The following ADGRF1 variants were observed in gnomAD, a reference collection of about 807,000 sequenced individuals.
The protein encoded by ADGRF1 is G protein-coupled receptor 110.
ADGRF1 carries 85 observed loss-of-function variants against 87.2 expected under a neutral mutation model. That is an observed-to-expected ratio of 0.97 (90% CI 0.82 to 1.17). ADGRF1 has a LOEUF of 1.17. ADGRF1 is among the 50% of genes most tolerant of loss of function. ADGRF1 has a pLI of 0.00. For synonymous variants in ADGRF1, 430 were observed against 408.8 expected (o/e 1.05, Z -0.63); for missense variants, 1,169 against 1,077.2 (o/e 1.09, Z -1.19).
chr6:47,013,644 A>T, intron 9 of ADGRF1: 2 of 985,362 alleles, frequency 2.0e-6, no homozygotes, highest in Non-Finnish European at 2.4e-6. Flanking sequence ...AGAGAGCATC[A>T]TGTGGAGGGC....
chr6:47,034,325 C>T (rs746483810), intron 1 of ADGRF1, among the ~76,000 whole-genome samples: 8 of 152,120 alleles, frequency 5.3e-5, no homozygotes, highest in Non-Finnish European at 1.2e-4. Flanking sequence ...GAAAGATTAC[C>T]GATTTCTACT....
chr6:47,029,198 GCTGATCCGAACCCC>G, intron 1 of ADGRF1, 94 bp from the exon 2 acceptor site: 1 of 679,966 alleles, frequency 1.5e-6, no homozygotes, highest in South Asian at 1.7e-5. Flanking sequence ...GCCTCACTGA[GCTGATCCGAACCCC>G]TGGGTGTTTA....
intron 6 of ADGRF1, 61 bp downstream of exon 6, chr6:47,021,897 G>T (rs969606525): frequency 2.0e-5 from 18 of 886,792 alleles, no homozygotes; most frequent in Middle Eastern, 4.6e-4. Flanking sequence ...ATGCTGAATT[G>T]AAAACATTTG....
chr6:47,012,127 G>A lies in ADGRF1; in HGVS notation c.996C>T (p.Val332=), dbSNP rs1338441021. The change falls in exon 10 of 15, where the codon GTC becomes GTT. Residue 332 remains valine, a synonymous_variant. Coordinates refer to ENST00000371253, the MANE Select transcript of ADGRF1 (RefSeq NM_153840.4). ...AVSSFVQNLS[V]IIRQNPSTTV... ...TGGTTGATGGGTTTTGCCGAATGAT[G>A]ACAGAAAGATTTTGCACGAAGGATG... is the stretch of plus-strand genomic sequence containing the variant. 2 of 1,614,088 alleles carry A rather than the reference G, an allele frequency of 1.2e-6. No individual in the cohort carries two copies. The highest frequency in any genetic ancestry group is 1.7e-5 in the Admixed American group (1 of 60,018).
rs369408573 is a variant in ADGRF1, at chr6:47,009,755, C to T, written c.1680G>A (p.Thr560=). The change falls in exon 11 of 15, where the codon ACG becomes ACA. Residue 560 remains threonine (T), a synonymous_variant. Coordinates refer to ENST00000371253, the MANE Select transcript of ADGRF1 (RefSeq NM_153840.4). ...HLVNETQDIV[T]CQCTHLTSFS... is the part of the protein sequence containing the mutation. ...AGGAGGTCAAGTGAGTACATTGGCA[C>T]GTCACGATGTCTTGAGTTTCATTCA... is the stretch of plus-strand genomic sequence containing the variant. 2.5e-5 allele frequency: 40 copies of T among 1,614,060 alleles called. No individual in the cohort carries two copies. Among genetic ancestry groups the T allele is most frequent in the East Asian group, 6.7e-5 (3 of 44,888 alleles).
chr6:47,009,952 T>G lies in ADGRF1; in HGVS notation c.1483A>C (p.Lys495Gln), dbSNP rs1303598744. Reference protein sequence around the residue: ...LTLGNILPVSKNGNAQVNGPV... With the variant: ...LTLGNILPVSQNGNAQVNGPV... Reference sequence around the variant, plus strand: ...CCATTGACCTGAGCATTTCCATTTTTGGAAACGGGTAGAATGTTCCCCAGA... The same window carrying G: ...CCATTGACCTGAGCATTTCCATTTTGGGAAACGGGTAGAATGTTCCCCAGA... The change falls in exon 11 of 15, where the codon AAA becomes CAA. Residue 495 changes from lysine (K) to glutamine (Q), a missense_variant. By Grantham distance (53) the Lys-to-Gln change is moderately conservative. Transcript: ENST00000371253. 1 of 1,614,144 alleles carries G rather than the reference T, an allele frequency of 6.2e-7. No individual in the cohort carries two copies.
intron 5 of ADGRF1, 53 bp downstream of exon 5, chr6:47,023,989 CTG>C (rs972979770): frequency 8.2e-5 from 122 of 1,494,298 alleles, no homozygotes; most frequent in South Asian, 7.3e-5. Flanking sequence ...CGTCCCCTCT[CTG>C]TTGCATGTTG....
At chr6:47,028,237 T>C (rs1318685073) in intron 2 of ADGRF1, among the ~76,000 whole-genome samples, 3 of 152,154 alleles carry the variant, frequency 2.0e-5, no homozygotes, top group Admixed American at 6.5e-5. Flanking sequence ...GTTGAAATCA[T>C]GCAGGCAAGA....
chr6:47,027,800 A>G (rs374561031), intron 2 of ADGRF1, 39 bp from the exon 3 acceptor site: 42 of 1,197,642 alleles, frequency 3.5e-5, no homozygotes, highest in Non-Finnish European at 1.9e-5. Context: ...TGAGACTTTG[A>G]AGAGTTGTGC....
Position 47,007,241 on chromosome 6 carries a change from A to C in ADGRF1, c.2532+12T>G. 6.5e-7 allele frequency: 1 copy of C among 1,534,064 alleles called. No individual in the cohort carries two copies. Among genetic ancestry groups the C allele is most frequent in the Non-Finnish European group, 9.0e-7 (1 of 1,113,210 alleles). On this transcript the variant is annotated intron_variant, in intron 12 of 14. Coordinates refer to ENST00000371253, the MANE Select transcript of ADGRF1 (RefSeq NM_153840.4). ...TAGGCTAGGGGTTAATGAGAGAAAT[A>C]AATACACATACCTTACTGTCCAAGA...
chr6:47,021,159 G>A (rs772523938), intron 6 of ADGRF1, among the ~76,000 whole-genome samples: 8 of 152,066 alleles, frequency 5.3e-5, no homozygotes, highest in East Asian at 1.9e-4. Flanking sequence ...TACTTAGACC[G>A]AATCCATCTA....
chr6:47,003,202 C>G (rs866918869), intron 13 of ADGRF1, among the ~76,000 whole-genome samples: 5 of 152,216 alleles, frequency 3.3e-5, no homozygotes, highest in Middle Eastern at 3.4e-3. Context: ...GGAGCTCAGA[C>G]ACAAAACTGA....
intron 1 of ADGRF1, among the ~76,000 whole-genome samples, chr6:47,034,212 A>G (rs1400174828): frequency 4.6e-5 from 7 of 152,172 alleles, no homozygotes; most frequent in Admixed American, 4.6e-4. Context: ...ATCTATTCAC[A>G]TTCAGGTTTC....
intron 7 of ADGRF1, chr6:47,017,326 G>A (rs1028908503): frequency 2.6e-5 from 4 of 152,152 alleles, no homozygotes; most frequent in African/African-American, 7.2e-5. Context: ...AAAGGTAGTG[G>A]CATCATAAGA....
At chr6:47,005,165 T>C (rs555899368) in intron 13 of ADGRF1, among the ~76,000 whole-genome samples, 3 of 152,248 alleles carry the variant, frequency 2.0e-5, no homozygotes, top group African/African-American at 4.8e-5. Context: ...CTAAATAATA[T>C]TGAAAACACA....
At chr6:47,027,024 A>G (rs1244577145) in intron 3 of ADGRF1, among the ~76,000 whole-genome samples, 1 of 152,240 alleles carries the variant, frequency 6.6e-6, no homozygotes, top group Non-Finnish European at 1.5e-5. Context: ...TATCTGTAAA[A>G]TAAAGATGAC....
Position 47,014,691 on chromosome 6 carries a change from T to TC in ADGRF1, c.916dup (p.Glu306GlyfsTer15). On this transcript the variant is annotated frameshift_variant, in exon 9 of 15. Transcript: ENST00000371253. LOFTEE classifies it high-confidence loss of function. The stretch of plus-strand genomic sequence containing the variant: ...GTGAAAATGCCTCACCTTGTTCAGT[T>TC]CTTCAAGCAGAGAGAGCACACAAGT... 6.2e-7 allele frequency: 1 copy of TC among 1,613,378 alleles called. No homozygotes were observed. Among genetic ancestry groups the TC allele is most frequent in the Middle Eastern group, 1.7e-4 (1 of 6,050 alleles).
chr6:47,029,544 A>T (rs1261575699), intron 1 of ADGRF1, among the ~76,000 whole-genome samples: 1 of 152,206 alleles, frequency 6.6e-6, no homozygotes, highest in East Asian at 1.9e-4. Context: ...ATAATGAATC[A>T]ATCCAGAAAA....
rs780231227 is a variant in ADGRF1, at chr6:47,009,253, T to G, written c.2182A>C (p.Lys728Gln). The change falls in exon 11 of 15, where the codon AAA becomes CAA. Residue 728 changes from lysine (K) to glutamine (Q), a missense_variant. By Grantham distance (53) the Lys-to-Gln change is moderately conservative. Coordinates refer to ENST00000371253, the MANE Select transcript of ADGRF1 (RefSeq NM_153840.4). ...TTAAGCCAACACACATCTTTCCTTT[T>G]GTAGGTATTGCTAGGTTGCGTGACA... ...IAVTQPSNTYKRKDVCWLNWS... is the reference protein window; with the variant it reads ...IAVTQPSNTYQRKDVCWLNWS... The G allele has an allele frequency of 6.2e-7, 1 of 1,614,166 alleles. No homozygotes were observed. The highest frequency in any genetic ancestry group is 8.5e-7 in the Non-Finnish European group (1 of 1,180,020).
Sources: allele counts gnomAD v4.1 joint callset (sites outside exome capture counted in the v4.1 genomes callset), GRCh38; gene constraint gnomAD v4.1.1; transcripts MANE v1.5; gene names NCBI Gene and HGNC (gene_info 2026-07-23, HGNC 2026-07-21).